AKAP13: variants seen among roughly 807,000 people sequenced by gnomAD.
The protein encoded by AKAP13 is A-kinase anchoring protein 13.
Under a neutral mutation model 264.5 loss-of-function variants are expected in AKAP13, and 80 were observed. The ratio of observed to expected loss-of-function variants is 0.30; its 90% CI spans 0.25 to 0.36. The LOEUF is 0.36. AKAP13 is among the 10% of genes least tolerant of loss of function. The pLI, the probability that AKAP13 is intolerant of heterozygous loss-of-function variation, is 1.00. For synonymous variants in AKAP13, 1,380 were observed against 1,250.2 expected, an observed-to-expected ratio of 1.10 and a Z score of -2.19; for missense variants, 3,712 against 3,435.2, an observed-to-expected ratio of 1.08 and a Z score of -2.01.
chr15:85,674,008 T>G (rs1459558379), intron 14 of AKAP13, among the ~76,000 whole-genome samples: 1 of 152,010 alleles, frequency 6.6e-6, no homozygotes, highest in Non-Finnish European at 1.5e-5. Context: ...TCCCTTTCTA[T>G]GGCTGTATTT....
chr15:85,694,644 C>T (rs2085469548), intron 17 of AKAP13, among the ~76,000 whole-genome samples: 2 of 152,200 alleles, frequency 1.3e-5, no homozygotes, highest in Admixed American at 1.3e-4. Flanking sequence ...TAAGGCAGTG[C>T]ATCTCAAAAT....
At chr15:85,427,113 GC>G (rs2150914999) in intron 1 of AKAP13, among the ~76,000 whole-genome samples, 1 of 151,796 alleles carries the variant, frequency 6.6e-6, no homozygotes, top group East Asian at 1.9e-4. Context: ...CCACCACCAC[GC>G]CCGGCTAATT....
At chr15:85,673,627 A>G (rs1450352222) in intron 14 of AKAP13, among the ~76,000 whole-genome samples, 2 of 147,174 alleles carry the variant, frequency 1.4e-5, no homozygotes, top group Admixed American at 6.7e-5. Context: ...TTTCACATGT[A>G]TAGAATTCAG....
chr15:85,603,742 G>C (rs2080195080), intron 8 of AKAP13, among the ~76,000 whole-genome samples: 2 of 152,142 alleles, frequency 1.3e-5, no homozygotes, highest in Admixed American at 1.3e-4. Flanking sequence ...TGCATCTCTG[G>C]AGTCAACATG....
At position 85,664,542 on chromosome 15, in the gene AKAP13, A is replaced by C. The variant is rs779656466; in HGVS notation, c.4800-21A>C. 1.6e-5 allele frequency: 25 copies of C among 1,576,826 alleles called. No homozygotes were observed. The South Asian group carries it at 2.9e-4, about 18-fold the overall frequency. On this transcript the variant is annotated intron_variant, in intron 12 of 36. Coordinates refer to ENST00000394518, the MANE Select transcript of AKAP13 (RefSeq NM_007200.5). Reference sequence around the variant, plus strand: ...TGAGACCCAGAAATAGAATGAATTAACTTTTGTGCCCTATGTTCAGTTTCA... The same window carrying C: ...TGAGACCCAGAAATAGAATGAATTACCTTTTGTGCCCTATGTTCAGTTTCA...
At chr15:85,611,893 A>G (rs904231092) in intron 8 of AKAP13, among the ~76,000 whole-genome samples, 3 of 152,006 alleles carry the variant, frequency 2.0e-5, no homozygotes, top group Admixed American at 1.3e-4. Context: ...CCACACATAT[A>G]CACCCTTTGC....
chr15:85,639,542 A>G, intron 9 of AKAP13, 93 bp downstream of exon 9: 3 of 928,244 alleles, frequency 3.2e-6, no homozygotes, highest in Non-Finnish European at 5.2e-6. Context: ...AGCATGTTAT[A>G]CAGTAAATCA....
At chr15:85,473,234 G>A (rs1221638411) in intron 1 of AKAP13, among the ~76,000 whole-genome samples, 1 of 152,138 alleles carries the variant, frequency 6.6e-6, no homozygotes, top group African/African-American at 2.4e-5. Flanking sequence ...TGCAGGTTTT[G>A]TTAACTGGGC....
At chr15:85,504,350 A>ACTCTTTCATT (rs1555436392) in intron 2 of AKAP13, among the ~76,000 whole-genome samples, 1 of 151,616 alleles carries the variant, frequency 6.6e-6, no homozygotes, top group Non-Finnish European at 1.5e-5. Flanking sequence ...ATCACTTCTA[A>ACTCTTTCATT]CTCTTTCATT....
intron 13 of AKAP13, among the ~76,000 whole-genome samples, chr15:85,667,137 T>C (rs1001120417): frequency 1.3e-5 from 2 of 152,232 alleles, no homozygotes; most frequent in East Asian, 1.9e-4. Context: ...TCTTCCTTGA[T>C]TTGCTGAGTA....
At chr15:85,618,565 T>G (rs1380360902) in intron 8 of AKAP13, among the ~76,000 whole-genome samples, 1 of 152,118 alleles carries the variant, frequency 6.6e-6, no homozygotes, top group Admixed American at 6.6e-5. Flanking sequence ...AGTAAGAGAA[T>G]GTCTCAGGTG....
intron 8 of AKAP13, among the ~76,000 whole-genome samples, chr15:85,593,561 C>G (rs1029740046): frequency 6.8e-6 from 1 of 147,670 alleles, no homozygotes; most frequent in Non-Finnish European, 1.5e-5. Flanking sequence ...ATCACACATT[C>G]TTTAACCCAA....
chr15:85,738,125 C>T lies in AKAP13; in HGVS notation c.7557+1991C>T, dbSNP rs570746552. ...AGAATAAAATAAGAGGGGCCGGGCT[C>T]GGTGGCTCACGCCTGTAATCCCAAC... On this transcript the variant is annotated intron_variant, in intron 33 of 36. Transcript: ENST00000394518. 4.7e-4 allele frequency among the ~76,000 whole-genome samples: 71 copies of T among 152,000 alleles called. No individual in the cohort carries two copies. In the South Asian group the frequency reaches 0.014, roughly 30 times the overall value.
chr15:85,685,174 A>G (rs1306147322), intron 16 of AKAP13: 3 of 229,598 alleles, frequency 1.3e-5, no homozygotes, highest in Non-Finnish European at 2.6e-5. Flanking sequence ...TACCGAGGAT[A>G]CTCCTCTAAT....
At chr15:85,419,634 A>G (rs971627015) in intron 1 of AKAP13, among the ~76,000 whole-genome samples, 1 of 152,026 alleles carries the variant, frequency 6.6e-6, no homozygotes, top group Non-Finnish European at 1.5e-5. Context: ...TTGTTGGGGG[A>G]TGGAGAGGGA....
intron 19 of AKAP13, 120 bp downstream of exon 19, chr15:85,710,765 A>G: frequency 9.0e-7 from 1 of 1,115,768 alleles, no homozygotes; most frequent in South Asian, 1.6e-5. Flanking sequence ...TTTTGTGGTA[A>G]GTGAGAGAAG....
intron 3 of AKAP13, among the ~76,000 whole-genome samples, chr15:85,526,725 C>G (rs2077059316): frequency 6.6e-6 from 1 of 152,178 alleles, no homozygotes; most frequent in African/African-American, 2.4e-5. Flanking sequence ...CTGGCCCTGC[C>G]CCTGGCAACG....
chr15:85,566,553 A>T (rs1567128849), intron 5 of AKAP13, among the ~76,000 whole-genome samples: 2 of 152,114 alleles, frequency 1.3e-5, no homozygotes, highest in Non-Finnish European at 2.9e-5. Flanking sequence ...TGGTCTTTTA[A>T]TATTAGTTTA....
rs186599547 is a variant in AKAP13 at position 85,618,577 on chromosome 15, G to A, written c.4162-20797G>A. On this transcript the variant is annotated intron_variant, in intron 8 of 36. Coordinates refer to ENST00000394518, the MANE Select transcript of AKAP13 (RefSeq NM_007200.5). ...CCAAGTAAGAGAATGTCTCAGGTGA[G>A]AGAATGCATTCTGAAGTAAGTCTGT... is the stretch of plus-strand genomic sequence containing the variant. Among the ~76,000 whole-genome samples the A allele has an allele frequency of 2.5e-3, 374 of 152,032 alleles. 3 individuals carry two copies. Among genetic ancestry groups the A allele is most frequent in the African/African-American group, 8.7e-3 (360 of 41,448 alleles).
Sources: allele counts gnomAD v4.1 joint callset (sites outside exome capture counted in the v4.1 genomes callset), GRCh38; gene constraint gnomAD v4.1.1; transcripts MANE v1.5; gene names NCBI Gene and HGNC (gene_info 2026-07-23, HGNC 2026-07-21).